RANBP2: variants seen among roughly 807,000 people sequenced by gnomAD.
The protein encoded by RANBP2 is RAN binding protein 2, also known as E3 SUMO-protein ligase RanBP2.
A neutral mutation model predicts 303.6 loss-of-function variants in RANBP2; 57 were observed. That is an observed-to-expected ratio of 0.19 (90% CI 0.15 to 0.23). RANBP2 has a LOEUF of 0.23. Ranked by LOEUF, RANBP2 falls within the 10% of genes least tolerant of loss-of-function variation. RANBP2 has a pLI of 1.00. For missense variants in RANBP2, 3,138 were observed against 3,780.8 expected (o/e 0.83, Z 4.46); for synonymous variants, 1,167 against 1,301.5 (o/e 0.90, Z 2.23).
At chr2:109,608,854 T>C in the RANBP2 span, among the ~76,000 whole-genome samples, 19 of 152,170 alleles carry the variant, frequency 1.2e-4, no homozygotes, top group Non-Finnish European at 2.6e-4. Flanking sequence ...AGAATTAAAG[T>C]TCTCATTACA....
At chr2:109,247,637 A>G in the RANBP2 span, among the ~76,000 whole-genome samples, 1 of 152,220 alleles carries the variant, frequency 6.6e-6, no homozygotes, top group Non-Finnish European at 1.5e-5. Flanking sequence ...CTCACAGTTG[A>G]CGGACTGGCT....
chr2:109,762,434 G>C, the RANBP2 span, among the ~76,000 whole-genome samples: 1 of 149,806 alleles, frequency 6.7e-6, no homozygotes, highest in Non-Finnish European at 1.5e-5. Context: ...TCAAAAGGAA[G>C]AACTTACTGT....
intron 6 of RANBP2, among the ~76,000 whole-genome samples, chr2:108,738,864 A>G (rs1210548523): frequency 6.7e-6 from 1 of 148,560 alleles, no homozygotes; most frequent in Non-Finnish European, 1.5e-5. Context: ...TCCTGACCTC[A>G]GGTGATCCAC....
At chr2:109,153,382 G>A in the RANBP2 span, among the ~76,000 whole-genome samples, 1 of 152,132 alleles carries the variant, frequency 6.6e-6, no homozygotes, top group Admixed American at 6.5e-5. Context: ...TTTTGCTGAG[G>A]TTTGGAAAGG....
At chr2:109,236,474 G>GA in the RANBP2 span, among the ~76,000 whole-genome samples, 1 of 152,142 alleles carries the variant, frequency 6.6e-6, no homozygotes, top group South Asian at 2.1e-4. Flanking sequence ...TGTTTTTTAG[G>GA]AATCAGAAAA....
At chr2:109,101,693 G>A in the RANBP2 span, among the ~76,000 whole-genome samples, 90 of 152,320 alleles carry the variant, frequency 5.9e-4, no homozygotes, top group Non-Finnish European at 1.2e-3. Flanking sequence ...GGAGAGATTT[G>A]TTGTGGAAGT....
chr2:109,441,158 A>G, the RANBP2 span, among the ~76,000 whole-genome samples: 1 of 148,896 alleles, frequency 6.7e-6, no homozygotes, highest in Non-Finnish European at 1.5e-5. Context: ...TCCAGCTCTC[A>G]ACAACATAAA....
chr2:109,151,479 T>C, the RANBP2 span, among the ~76,000 whole-genome samples: 1 of 152,264 alleles, frequency 6.6e-6, no homozygotes, highest in African/African-American at 2.4e-5. Flanking sequence ...TTTAAAAATT[T>C]CTGGTAGCCA....
At chr2:109,475,457 T>C in the RANBP2 span, among the ~76,000 whole-genome samples, 6 of 152,290 alleles carry the variant, frequency 3.9e-5, no homozygotes, top group African/African-American at 1.4e-4. Context: ...AAGCAAAAGC[T>C]GGGAGAGGAA....
the RANBP2 span, among the ~76,000 whole-genome samples, chr2:108,922,280 T>C: frequency 6.6e-6 from 1 of 152,244 alleles, no homozygotes; most frequent in Non-Finnish European, 1.5e-5. Context: ...TGAATCAGCC[T>C]AGATCCCCAC....
At chr2:109,118,977 A>G in the RANBP2 span, among the ~76,000 whole-genome samples, 1 of 152,158 alleles carries the variant, frequency 6.6e-6, no homozygotes, top group African/African-American at 2.4e-5. Flanking sequence ...TGGTTGAATG[A>G]GGGAAGTTTT....
chr2:109,090,331 CA>C, the RANBP2 span, among the ~76,000 whole-genome samples: 142 of 143,082 alleles, frequency 9.9e-4, no homozygotes, highest in African/African-American at 3.2e-3. Context: ...CACACACACA[CA>C]CACACACACA....
the RANBP2 span, among the ~76,000 whole-genome samples, chr2:109,364,736 A>G: frequency 6.6e-6 from 1 of 152,146 alleles, no homozygotes; most frequent in African/African-American, 2.4e-5. Context: ...GTGAAACAGG[A>G]TGGCTACAGT....
the RANBP2 span, among the ~76,000 whole-genome samples, chr2:109,241,049 C>T: frequency 6.6e-6 from 1 of 152,130 alleles, no homozygotes; most frequent in Non-Finnish European, 1.5e-5. Flanking sequence ...AGAATAATTA[C>T]TAAAAATATA....
At chr2:109,300,594 A>G in the RANBP2 span, among the ~76,000 whole-genome samples, 3 of 152,172 alleles carry the variant, frequency 2.0e-5, no homozygotes, top group African/African-American at 7.2e-5. Context: ...ATGATTGGCA[A>G]ATATGCACTG....
intron 1 of RANBP2, among the ~76,000 whole-genome samples, chr2:108,720,718 A>G (rs1188044438): frequency 6.6e-6 from 1 of 152,234 alleles, no homozygotes; most frequent in Non-Finnish European, 1.5e-5. Flanking sequence ...ATAGCACTAA[A>G]TGTTAGCTAC....
chr2:109,643,797 C>T, the RANBP2 span, among the ~76,000 whole-genome samples: 107,745 of 150,778 alleles, frequency 0.71, 39,773 homozygotes, highest in Middle Eastern at 0.85. Context: ...AACCCTGTTT[C>T]CTGAATGCTT....
chr2:108,815,514 T>G, the RANBP2 span, among the ~76,000 whole-genome samples: 2 of 148,172 alleles, frequency 1.3e-5, no homozygotes, highest in African/African-American at 5.0e-5. Context: ...TTGCCCAGAT[T>G]GGTGTGCAGT....
At chr2:109,448,011 C>T in the RANBP2 span, among the ~76,000 whole-genome samples, 7 of 152,160 alleles carry the variant, frequency 4.6e-5, 1 homozygote, top group South Asian at 8.3e-4. Flanking sequence ...CTGGGAGAAA[C>T]GTCTGCTGCT....
Sources: allele counts gnomAD v4.1 joint callset (sites outside exome capture counted in the v4.1 genomes callset), GRCh38; gene constraint gnomAD v4.1.1; transcripts MANE v1.5; gene names NCBI Gene and HGNC (gene_info 2026-07-23, HGNC 2026-07-21).